Variants in TRPC6 observed in about 807,000 individuals in gnomAD.
TRPC6 encodes short transient receptor potential channel 6.
A neutral mutation model predicts 90.7 loss-of-function variants in TRPC6; 55 were observed. The ratio of observed to expected loss-of-function variants is 0.61; its 90% CI spans 0.49 to 0.76. The LOEUF (loss-of-function observed/expected upper bound fraction) is 0.76. Among genes scored for constraint, TRPC6 ranks in the 30% least tolerant of loss-of-function variants. TRPC6 has a pLI of 0.00. For synonymous variants in TRPC6, 393 were observed against 393.0 expected (o/e 1.00, Z 0.00); for missense variants, 989 against 1,122.7 (o/e 0.88, Z 1.70).
At chr11:101,553,398 C>G (rs1861493354) in intron 1 of TRPC6, among the ~76,000 whole-genome samples, 1 of 151,944 alleles carries the variant, frequency 6.6e-6, no homozygotes, top group Admixed American at 6.6e-5. Context: ...AGCTGGTATT[C>G]TATTTCAAAC....
intron 1 of TRPC6, among the ~76,000 whole-genome samples, chr11:101,567,071 T>A (rs934933922): frequency 6.9e-5 from 4 of 58,158 alleles, no homozygotes; most frequent in Non-Finnish European, 1.5e-4. Flanking sequence ...CGGGGCGGGG[T>A]GGGGGGGGTC....
At chr11:101,546,743 T>G (rs997026564) in intron 1 of TRPC6, among the ~76,000 whole-genome samples, 1 of 152,146 alleles carries the variant, frequency 6.6e-6, no homozygotes, top group Non-Finnish European at 1.5e-5. Flanking sequence ...TTGATGAAAT[T>G]TAACTTCTAT....
At chr11:101,558,037 A>G (rs1861597488) in intron 1 of TRPC6, among the ~76,000 whole-genome samples, 1 of 152,016 alleles carries the variant, frequency 6.6e-6, no homozygotes, top group South Asian at 2.1e-4. Flanking sequence ...CAGTCCTAAA[A>G]TTCATATGGA....
intron 7 of TRPC6, 56 bp from the exon 8 acceptor site, chr11:101,472,388 T>G (rs913110662): frequency 4.7e-5 from 71 of 1,508,016 alleles, no homozygotes; most frequent in Non-Finnish European, 6.2e-5. Flanking sequence ...TAAATAACAA[T>G]ATTACCATAA....
intron 1 of TRPC6, among the ~76,000 whole-genome samples, chr11:101,533,530 T>G (rs945841977): frequency 1.3e-5 from 2 of 152,002 alleles, no homozygotes; most frequent in African/African-American, 2.4e-5. Context: ...AGACAACAAT[T>G]CAACACGAGC....
At chr11:101,555,511 G>A (rs141010111) in intron 1 of TRPC6, among the ~76,000 whole-genome samples, 2 of 152,270 alleles carry the variant, frequency 1.3e-5, no homozygotes, top group East Asian at 1.9e-4. Flanking sequence ...CTGCTTTTCC[G>A]CATCCTGGTA....
intron 1 of TRPC6, among the ~76,000 whole-genome samples, chr11:101,514,101 A>G (rs1361971808): frequency 1.3e-5 from 2 of 152,150 alleles, no homozygotes; most frequent in Admixed American, 6.5e-5. Flanking sequence ...TGCTGATGTG[A>G]TATGATTTCA....
chr11:101,583,301 G>C (rs1267294928), intron 1 of TRPC6, 33 bp downstream of exon 1: 2 of 1,553,372 alleles, frequency 1.3e-6, no homozygotes, highest in African/African-American at 2.7e-5. Context: ...CGCGCAGCCC[G>C]CGCCCGATCC....
chr11:101,491,228 C>A (rs942480067), intron 3 of TRPC6, among the ~76,000 whole-genome samples: 1 of 152,084 alleles, frequency 6.6e-6, no homozygotes, highest in Admixed American at 6.5e-5. Flanking sequence ...GGGCGGATCA[C>A]AAGGTCAGGA....
At position 101,568,218 on chromosome 11, in the gene TRPC6, A is replaced by C. The variant is rs559636688; in HGVS notation, c.170+15116T>G. 2.0e-5 allele frequency among the ~76,000 whole-genome samples: 3 copies of C among 152,362 alleles called. No individual in the cohort carries two copies. The South Asian group carries it at 6.2e-4, about 32-fold the overall frequency. On this transcript the variant is annotated intron_variant, in intron 1 of 12. Coordinates refer to ENST00000344327, the MANE Select transcript of TRPC6 (RefSeq NM_004621.6). ...AAAACACAGCACGAGAACTTCGTGA[A>C]GCATGCACAAGTATCATACATGCCA...
intron 1 of TRPC6, among the ~76,000 whole-genome samples, chr11:101,538,013 TTTAA>T (rs926393139): frequency 4.6e-5 from 7 of 152,300 alleles, no homozygotes; most frequent in Non-Finnish European, 7.3e-5. Context: ...TTGCTTTGTT[TTTAA>T]TTTTTTTCCA....
intron 1 of TRPC6, among the ~76,000 whole-genome samples, chr11:101,534,098 T>C (rs568336832): frequency 1.3e-5 from 2 of 152,130 alleles, no homozygotes; most frequent in Non-Finnish European, 2.9e-5. Context: ...GATACTGAAC[T>C]GGGCCCCGAT....
At position 101,583,693 on chromosome 11, in the gene TRPC6, A is replaced by T. The variant is rs925846642; in HGVS notation, c.-190T>A. 1.1e-5 allele frequency: 6 copies of T among 555,370 alleles called. No homozygotes were observed. The highest frequency in any genetic ancestry group is 1.2e-5 in the Non-Finnish European group (4 of 338,916). 34.4% of individuals were successfully genotyped at this position (555,370 alleles called of 1,614,324 possible). A position where few individuals can be genotyped will look rare whatever the true frequency, so the allele number is the denominator to read the frequency against. ...GTGGCTCGCCCACTGGCCCGGGGAA[A>T]AGTCACCACTTAAGGGGGTGCAAAG... On this transcript the variant is annotated 5_prime_UTR_variant, in exon 1 of 13. Coordinates refer to ENST00000344327, the MANE Select transcript of TRPC6 (RefSeq NM_004621.6).
intron 5 of TRPC6, among the ~76,000 whole-genome samples, chr11:101,480,248 A>G (rs1292800695): frequency 6.6e-6 from 1 of 152,168 alleles, no homozygotes; most frequent in Non-Finnish European, 1.5e-5. Flanking sequence ...GTCAAGAATA[A>G]AATGAACATG....
At position 101,540,021 on chromosome 11, in the gene TRPC6, T is replaced by C. The variant is rs554166390; in HGVS notation, c.171-35223A>G. 3.3e-5 allele frequency among the ~76,000 whole-genome samples: 5 copies of C among 152,362 alleles called. No individual in the cohort carries two copies. In the South Asian group the frequency reaches 1.0e-3, roughly 32 times the overall value. ...GAAATACTAAATCATTTTTTAAACCTCTACTTATGTCAAAATACAGCAAAT... is the reference window on the plus strand; with the variant it reads ...GAAATACTAAATCATTTTTTAAACCCCTACTTATGTCAAAATACAGCAAAT... On this transcript the variant is annotated intron_variant, in intron 1 of 12. Coordinates refer to ENST00000344327, the MANE Select transcript of TRPC6 (RefSeq NM_004621.6).
chr11:101,514,713 G>A (rs1034873476), intron 1 of TRPC6, among the ~76,000 whole-genome samples: 53 of 152,248 alleles, frequency 3.5e-4, no homozygotes, highest in Middle Eastern at 3.4e-3. Flanking sequence ...TAACAACTCA[G>A]GATTCCAATT....
chr11:101,499,793 ATATATATATACACAGTATAAAATGTG>A (rs1860058490), intron 2 of TRPC6, among the ~76,000 whole-genome samples: 3 of 79,716 alleles, frequency 3.8e-5, no homozygotes, highest in African/African-American at 5.8e-5. Flanking sequence ...TAAAATGTGT[ATATATATATACACAGTATAAAATGTG>A]TATATATATA....
At chr11:101,543,900 C>A (rs4603270) in intron 1 of TRPC6, among the ~76,000 whole-genome samples, 54,835 of 151,996 alleles carry the variant, frequency 0.36, 10,239 homozygotes, top group East Asian at 0.44. Context: ...TAATTAAACT[C>A]AGGAACTTCT....
chr11:101,465,313 C>T (rs538562881), intron 10 of TRPC6, among the ~76,000 whole-genome samples: 87 of 152,154 alleles, frequency 5.7e-4, no homozygotes, highest in African/African-American at 2.0e-3. Context: ...CTTTGTATTT[C>T]CTGAATTTGA....
Sources: gnomAD v4.1 joint callset for allele counts (sites outside exome capture counted in the v4.1 genomes callset) on GRCh38, gnomAD v4.1.1 for gene constraint, MANE v1.5 for transcripts, NCBI Gene and HGNC (gene_info 2026-07-23, HGNC 2026-07-21) for gene names.